Variants in SNX30 observed in about 807,000 individuals in gnomAD.
The protein encoded by SNX30 is sorting nexin-30.
In SNX30, 24 loss-of-function variants were observed where a neutral mutation model predicts 46.4. The observed-to-expected ratio is 0.52, with a 90% confidence interval of 0.37 to 0.73. The LOEUF (loss-of-function observed/expected upper bound fraction) is 0.73. Ranked by LOEUF, SNX30 falls within the 30% of genes least tolerant of loss-of-function variation. The pLI, the probability that SNX30 is intolerant of heterozygous loss-of-function variation, is 0.00. For synonymous variants in SNX30, 189 were observed against 211.5 expected, an observed-to-expected ratio of 0.89 and a Z score of 0.92; for missense variants, 533 against 555.7, an observed-to-expected ratio of 0.96 and a Z score of 0.41.
chr9:112,808,620 AAAAG>A (rs1194180372), intron 2 of SNX30, among the ~76,000 whole-genome samples: 1 of 152,230 alleles, frequency 6.6e-6, no homozygotes, highest in Non-Finnish European at 1.5e-5. Flanking sequence ...TTGTAGAAAA[AAAAG>A]AAAGTTCAAG....
intron 3 of SNX30, among the ~76,000 whole-genome samples, chr9:112,818,926 C>T (rs925233086): frequency 6.6e-6 from 1 of 152,086 alleles, no homozygotes; most frequent in Non-Finnish European, 1.5e-5. Flanking sequence ...GTTCTCCGAG[C>T]CTGAAGTTTT....
chr9:112,771,073 C>T (rs1275276781), intron 1 of SNX30, among the ~76,000 whole-genome samples: 1 of 151,210 alleles, frequency 6.6e-6, no homozygotes. Flanking sequence ...TCCCCCTTTA[C>T]CTGGCTTTAA....
At chr9:112,831,915 A>G (rs1223557931) in intron 4 of SNX30, among the ~76,000 whole-genome samples, 1 of 152,194 alleles carries the variant, frequency 6.6e-6, no homozygotes, top group African/African-American at 2.4e-5. Context: ...TTCAGGTATC[A>G]TATTCCCATG....
intron 3 of SNX30, among the ~76,000 whole-genome samples, chr9:112,825,635 A>G (rs1840569488): frequency 1.3e-5 from 2 of 151,640 alleles, no homozygotes; most frequent in South Asian, 2.1e-4. Context: ...TAAACGTTAT[A>G]TAGACATTCT....
downstream of SNX30, among the ~76,000 whole-genome samples, chr9:112,876,251 C>T (rs569652096): frequency 7.2e-5 from 11 of 151,926 alleles, no homozygotes; most frequent in East Asian, 5.8e-4. Flanking sequence ...GAGAATGGAC[C>T]GGAGATGACT....
downstream of SNX30, chr9:112,878,287 C>T (rs539883415): frequency 1.3e-5 from 2 of 152,290 alleles, no homozygotes; most frequent in Non-Finnish European, 2.9e-5. Context: ...TACTGTCCTC[C>T]GTAATACTTG....
intron 6 of SNX30, among the ~76,000 whole-genome samples, chr9:112,848,911 G>C (rs1487418611): frequency 6.6e-6 from 1 of 152,184 alleles, no homozygotes; most frequent in Non-Finnish European, 1.5e-5. Flanking sequence ...TGCAACCCCA[G>C]CAGTGCCCCC....
chr9:112,758,654 T>C (rs1839389192), intron 1 of SNX30, among the ~76,000 whole-genome samples: 1 of 152,118 alleles, frequency 6.6e-6, no homozygotes, highest in Non-Finnish European at 1.5e-5. Context: ...CATCAGCCTT[T>C]CAAAATGCTG....
chr9:112,831,733 G>C (rs1443030379), intron 4 of SNX30, among the ~76,000 whole-genome samples: 1 of 152,202 alleles, frequency 6.6e-6, no homozygotes, highest in African/African-American at 2.4e-5. Flanking sequence ...CTACACAGTT[G>C]CCAGATTCTG....
At chr9:112,808,320 G>A (rs1011892205) in intron 2 of SNX30, among the ~76,000 whole-genome samples, 4 of 152,224 alleles carry the variant, frequency 2.6e-5, no homozygotes, top group Admixed American at 2.6e-4. Context: ...GATGACCAGG[G>A]CTGGACAAAG....
chr9:112,812,350 G>A (rs1215821507), intron 2 of SNX30, among the ~76,000 whole-genome samples: 4 of 152,102 alleles, frequency 2.6e-5, no homozygotes, highest in African/African-American at 9.7e-5. Context: ...CCGCCTCCCA[G>A]ATTCAAGCAA....
rs1839259083 is a variant in SNX30 at position 112,750,849 on chromosome 9, C to T, written c.-153C>T. 2 of 597,782 alleles carry T rather than the reference C, an allele frequency of 3.3e-6. No homozygotes were observed. Among genetic ancestry groups the T allele is most frequent in the East Asian group, 2.3e-4 (2 of 8,688 alleles). The allele number at this position is 597,782 out of a possible 1,614,324, so 37.0% of individuals were successfully genotyped here. A position where few individuals can be genotyped will look rare whatever the true frequency, so the allele number is the denominator to read the frequency against. On this transcript the variant is annotated 5_prime_UTR_variant, in exon 1 of 9. Coordinates refer to ENST00000374232, the MANE Select transcript of SNX30 (RefSeq NM_001012994.2). ...CGGAGCGTCTGAGCGCCGGCAGAGA[C>T]CAGCCGGCGGGTGGCGGCGGCCCCC...
At chr9:112,842,241 C>T (rs1207448380) in intron 6 of SNX30, among the ~76,000 whole-genome samples, 1 of 152,234 alleles carries the variant, frequency 6.6e-6, no homozygotes, top group African/African-American at 2.4e-5. Flanking sequence ...CCACATCAGG[C>T]CTGTGGCCCG....
intron 4 of SNX30, among the ~76,000 whole-genome samples, chr9:112,832,563 T>G (rs1459273990): frequency 1.5e-5 from 2 of 131,414 alleles, no homozygotes; most frequent in East Asian, 4.3e-4. Context: ...TTAAAAAATA[T>G]AAGGTCCTTA....
intron 1 of SNX30, among the ~76,000 whole-genome samples, chr9:112,789,985 C>T (rs1564269999): frequency 6.6e-6 from 1 of 152,190 alleles, no homozygotes; most frequent in Non-Finnish European, 1.5e-5. Flanking sequence ...AGTAGAAACA[C>T]ATAAAACTGT....
At chr9:112,817,386 A>G (rs1840413281) in intron 2 of SNX30, among the ~76,000 whole-genome samples, 1 of 109,544 alleles carries the variant, frequency 9.1e-6, no homozygotes, top group African/African-American at 3.0e-5. Flanking sequence ...CGGTAGGGAA[A>G]AAAAAAAAAA....
At chr9:112,851,779 G>A (rs892488726) in intron 7 of SNX30, among the ~76,000 whole-genome samples, 1 of 152,334 alleles carries the variant, frequency 6.6e-6, no homozygotes, top group Non-Finnish European at 1.5e-5. Flanking sequence ...TAGGAAGTGA[G>A]GAGTGCTGAT....
intron 6 of SNX30, among the ~76,000 whole-genome samples, chr9:112,847,396 T>G (rs2131474414): frequency 6.6e-6 from 1 of 152,160 alleles, no homozygotes. Context: ...CCTGGAATCA[T>G]ATTATTTCAT....
At chr9:112,831,887 T>C (rs1175948958) in intron 4 of SNX30, among the ~76,000 whole-genome samples, 1 of 152,230 alleles carries the variant, frequency 6.6e-6, no homozygotes, top group Non-Finnish European at 1.5e-5. Context: ...AGCTTCCCTC[T>C]AGTCCCATCT....
Sources: gnomAD v4.1 joint callset for allele counts (sites outside exome capture counted in the v4.1 genomes callset) on GRCh38, gnomAD v4.1.1 for gene constraint, MANE v1.5 for transcripts, NCBI Gene and HGNC (gene_info 2026-07-23, HGNC 2026-07-21) for gene names.